The following DCC variants were observed in gnomAD, a reference collection of about 807,000 sequenced individuals.
DCC encodes the protein netrin receptor DCC.
DCC carries 58 observed loss-of-function variants against 172.5 expected under a neutral mutation model. The observed-to-expected ratio is 0.34, with a 90% CI of 0.27 to 0.42. The LOEUF (loss-of-function observed/expected upper bound fraction) is 0.42. Ranked by LOEUF, DCC falls within the 10% of genes least tolerant of loss-of-function variation. The pLI is 1.00. For synonymous variants in DCC, 709 were observed against 644.5 expected, an observed-to-expected ratio of 1.10 and a Z score of -1.52; for missense variants, 1,740 against 1,791.0, an observed-to-expected ratio of 0.97 and a Z score of 0.51.
intron 12 of DCC, among the ~76,000 whole-genome samples, chr18:53,279,972 A>C (rs2056852217): frequency 6.6e-6 from 1 of 152,126 alleles, no homozygotes; most frequent in Non-Finnish European, 1.5e-5. Flanking sequence ...TAGTAAAAAA[A>C]AACTACCGTT....
chr18:53,443,295 T>C (rs530095931), intron 22 of DCC, among the ~76,000 whole-genome samples: 58 of 152,326 alleles, frequency 3.8e-4, no homozygotes, highest in Non-Finnish European at 7.5e-4. Context: ...CTGAAAATCC[T>C]AGGGCCCTTA....
intron 15 of DCC, among the ~76,000 whole-genome samples, chr18:53,383,064 C>T (rs1052600454): frequency 1.3e-5 from 2 of 152,010 alleles, no homozygotes; most frequent in African/African-American, 4.8e-5. Context: ...ACCATGTTTC[C>T]TTGCTCTGTT....
chr18:53,426,577 C>G (rs1568123918), intron 21 of DCC, among the ~76,000 whole-genome samples: 1 of 151,220 alleles, frequency 6.6e-6, no homozygotes, highest in South Asian at 2.1e-4. Context: ...GCCACCTCCT[C>G]TGAGAAACCT....
chr18:52,873,754 C>T (rs576806721), intron 2 of DCC, among the ~76,000 whole-genome samples: 1 of 152,070 alleles, frequency 6.6e-6, no homozygotes, highest in Non-Finnish European at 1.5e-5. Flanking sequence ...TAGATTAGTA[C>T]TTGCCAGATG....
At chr18:52,677,502 TA>T (rs2035666029) in intron 1 of DCC, among the ~76,000 whole-genome samples, 1 of 151,882 alleles carries the variant, frequency 6.6e-6, no homozygotes, top group Non-Finnish European at 1.5e-5. Flanking sequence ...TATTTTTTAT[TA>T]TTATTGTTTC....
At chr18:53,374,252 G>A (rs542983476) in intron 15 of DCC, among the ~76,000 whole-genome samples, 1 of 152,300 alleles carries the variant, frequency 6.6e-6, no homozygotes, top group East Asian at 1.9e-4. Flanking sequence ...ACATTGGACA[G>A]CAATAATACA....
At chr18:52,478,293 G>C (rs894785131) in intron 1 of DCC, among the ~76,000 whole-genome samples, 1 of 152,092 alleles carries the variant, frequency 6.6e-6, no homozygotes, top group African/African-American at 2.4e-5. Flanking sequence ...CATATCAAAT[G>C]TGTCTTTTCT....
intron 2 of DCC, among the ~76,000 whole-genome samples, chr18:52,789,643 C>G (rs761625655): frequency 6.6e-6 from 1 of 152,106 alleles, no homozygotes; most frequent in Non-Finnish European, 1.5e-5. Context: ...TGTGACTTAA[C>G]CATGAGTGTA....
intron 5 of DCC, among the ~76,000 whole-genome samples, chr18:52,991,991 T>C (rs1052984117): frequency 6.6e-6 from 1 of 152,196 alleles, no homozygotes; most frequent in South Asian, 2.1e-4. Context: ...AAATTAGCAT[T>C]TGCACTTGCG....
chr18:53,417,663 A>C (rs1242304547), intron 21 of DCC, among the ~76,000 whole-genome samples: 1 of 152,134 alleles, frequency 6.6e-6, no homozygotes, highest in Non-Finnish European at 1.5e-5. Flanking sequence ...TTGAAATTAT[A>C]TTTTAAAATA....
chr18:53,429,212 C>T (rs113628361), intron 21 of DCC, among the ~76,000 whole-genome samples: 6 of 48,638 alleles, frequency 1.2e-4, no homozygotes, highest in Admixed American at 1.2e-3. Flanking sequence ...TACTTTGGTG[C>T]TTGCAAAAAA....
intron 12 of DCC, among the ~76,000 whole-genome samples, chr18:53,291,519 A>G (rs147271935): frequency 1.5e-3 from 234 of 152,272 alleles, no homozygotes; most frequent in African/African-American, 5.4e-3. Context: ...CCATGTTCCA[A>G]AACACAAAGG....
At chr18:52,368,311 T>G (rs1984966690) in intron 1 of DCC, among the ~76,000 whole-genome samples, 2 of 152,338 alleles carry the variant, frequency 1.3e-5, no homozygotes, top group South Asian at 2.1e-4. Context: ...TGTTTCTTTC[T>G]ATTTCTTTTA....
intron 1 of DCC, among the ~76,000 whole-genome samples, chr18:52,659,920 GC>G (rs1471269903): frequency 2.0e-5 from 3 of 151,968 alleles, no homozygotes; most frequent in South Asian, 4.1e-4. Flanking sequence ...GTATTTTGTG[GC>G]TTATTTTTCC....
intron 21 of DCC, among the ~76,000 whole-genome samples, chr18:53,424,562 G>T (rs1449190518): frequency 6.6e-6 from 1 of 152,166 alleles, no homozygotes; most frequent in Non-Finnish European, 1.5e-5. Context: ...TTGTGGGCTG[G>T]ATTAGAAAAG....
intron 13 of DCC, among the ~76,000 whole-genome samples, chr18:53,312,923 AGGG>A (rs2057293375): frequency 3.2e-5 from 1 of 31,018 alleles, no homozygotes; most frequent in Non-Finnish European, 9.1e-5. Flanking sequence ...AAGGGAGGGG[AGGG>A]GAGGGAAGGG....
At chr18:52,400,016 C>T (rs1267870586) in intron 1 of DCC, among the ~76,000 whole-genome samples, 1 of 151,894 alleles carries the variant, frequency 6.6e-6, no homozygotes, top group Non-Finnish European at 1.5e-5. Context: ...TACAATTATA[C>T]CAAATACCAT....
intron 1 of DCC, among the ~76,000 whole-genome samples, chr18:52,563,169 T>C (rs1306013416): frequency 1.3e-5 from 2 of 152,176 alleles, no homozygotes; most frequent in Non-Finnish European, 2.9e-5. Context: ...GAAGTCAAGA[T>C]TGGCTATCTA....
intron 7 of DCC, among the ~76,000 whole-genome samples, chr18:53,109,089 T>C (rs2043293446): frequency 6.6e-6 from 1 of 151,382 alleles, no homozygotes; most frequent in Non-Finnish European, 1.5e-5. Context: ...TTTTAGCCAT[T>C]TTATGGGCAG....
Sources: allele counts gnomAD v4.1 joint callset (sites outside exome capture counted in the v4.1 genomes callset), GRCh38; gene constraint gnomAD v4.1.1; transcripts MANE v1.5; gene names NCBI Gene and HGNC (gene_info 2026-07-23, HGNC 2026-07-21).